Variants in XPR1 observed in about 807,000 individuals in gnomAD.
The protein encoded by XPR1 is solute carrier family 53 member 1.
In XPR1, 28 loss-of-function variants were observed where a neutral mutation model predicts 87.5. The observed-to-expected ratio is 0.32, with a 90% CI of 0.24 to 0.44. The LOEUF is 0.44. Among genes scored for constraint, XPR1 ranks in the 20% least tolerant of loss-of-function variants. XPR1 has a pLI of 1.00. For missense variants in XPR1, 559 were observed against 862.3 expected (o/e 0.65, Z 4.41); for synonymous variants, 300 against 306.1 (o/e 0.98, Z 0.21).
In XPR1 at chr1:180,697,737, C is replaced by T. The variant is rs181940360; in HGVS notation, c.121+15326C>T. 3.4e-3 allele frequency among the ~76,000 whole-genome samples: 524 copies of T among 152,176 alleles called. 4 individuals are homozygous for T. Among genetic ancestry groups the T allele is most frequent in the African/African-American group, 0.012 (515 of 41,552 alleles). ...CATTGAGGAGCATGTTGTTAATTTTCATGTATTTGTATAGATTCCGAAGTT... is the reference window on the plus strand; with the variant it reads ...CATTGAGGAGCATGTTGTTAATTTTTATGTATTTGTATAGATTCCGAAGTT... On this transcript the variant is annotated intron_variant, in intron 2 of 14. Transcript: ENST00000367590.
chr1:180,761,280 TAAAC>T (rs1648014869), intron 2 of XPR1, among the ~76,000 whole-genome samples: 2 of 152,012 alleles, frequency 1.3e-5, no homozygotes, highest in Non-Finnish European at 2.9e-5. Flanking sequence ...GGGATCGAAT[TAAAC>T]TAAAGAGCTT....
chr1:180,722,015 C>T (rs1459960058), intron 2 of XPR1, among the ~76,000 whole-genome samples: 1 of 152,048 alleles, frequency 6.6e-6, no homozygotes, highest in Non-Finnish European at 1.5e-5. Context: ...GTAATCCCAC[C>T]ACTTTGAGAG....
At chr1:180,740,130 T>A (rs1320524726) in intron 2 of XPR1, among the ~76,000 whole-genome samples, 1 of 152,234 alleles carries the variant, frequency 6.6e-6, no homozygotes, top group African/African-American at 2.4e-5. Context: ...TCTACAGTTT[T>A]ATGTCTTCCT....
intron 3 of XPR1, among the ~76,000 whole-genome samples, chr1:180,797,613 CAATT>C (rs1649634973): frequency 1.3e-5 from 2 of 152,140 alleles, no homozygotes; most frequent in African/African-American, 4.8e-5. Flanking sequence ...AATCTTTTAA[CAATT>C]AAAGTTAAGC....
At chr1:180,688,047 T>C (rs1475923022) in intron 2 of XPR1, among the ~76,000 whole-genome samples, 1 of 142,228 alleles carries the variant, frequency 7.0e-6, no homozygotes, top group Non-Finnish European at 1.5e-5. Context: ...AGTATGTTAT[T>C]AATTTTTTTT....
chr1:180,701,662 A>G (rs61809341), intron 2 of XPR1, among the ~76,000 whole-genome samples: 31 of 132,426 alleles, frequency 2.3e-4, no homozygotes, highest in East Asian at 4.1e-4. Flanking sequence ...CATCAAGGAT[A>G]TTGGTCTAAA....
At chr1:180,873,779 C>T in intron 12 of XPR1, 24 bp from the exon 13 acceptor site, 1 of 1,608,886 alleles carries the variant, frequency 6.2e-7, no homozygotes, top group Non-Finnish European at 8.5e-7. Context: ...AGAAAACATA[C>T]TCAATTTCTT....
intron 12 of XPR1, among the ~76,000 whole-genome samples, chr1:180,865,652 G>A (rs541101230): frequency 2.4e-4 from 36 of 152,014 alleles, no homozygotes; most frequent in Admixed American, 1.1e-3. Context: ...CGCCTGCCTC[G>A]GCCTCCCAAA....
Position 180,890,102 on chromosome 1 carries a change from T to C in XPR1, c.*6036T>C, listed in dbSNP as rs1302372566. On this transcript the variant is annotated 3_prime_UTR_variant, in exon 15 of 15. Transcript: ENST00000367590. ...GAAGTTCCCTTCTTGATAAGTAGGT[T>C]AAATGCACAATGTGGTACTGTTTTA... is the stretch of plus-strand genomic sequence containing the variant. 6.6e-6 allele frequency: 1 copy of C among 152,234 alleles called. No homozygotes were observed. Among genetic ancestry groups the C allele is most frequent in the East Asian group, 1.9e-4 (1 of 5,206 alleles). The allele number at this position is 152,234 out of a possible 1,614,324, so 9.4% of individuals were successfully genotyped here.
chr1:180,839,795 G>C (rs1026330526), intron 11 of XPR1, among the ~76,000 whole-genome samples: 24 of 152,174 alleles, frequency 1.6e-4, no homozygotes, highest in Non-Finnish European at 3.5e-4. Flanking sequence ...GTAGGGGATT[G>C]GGCTTCTGGA....
At chr1:180,696,204 G>GTATATATATATA (rs1280091948) in intron 2 of XPR1, among the ~76,000 whole-genome samples, 11 of 102,430 alleles carry the variant, frequency 1.1e-4, no homozygotes, top group African/African-American at 2.3e-4. Context: ...GTGTGTGTGT[G>GTATATATATATA]TGTGTATATA....
intron 2 of XPR1, among the ~76,000 whole-genome samples, chr1:180,773,443 T>C (rs1279637910): frequency 6.6e-6 from 1 of 152,228 alleles, no homozygotes; most frequent in African/African-American, 2.4e-5. Context: ...AACAGTATCC[T>C]AAGAACAACA....
At chr1:180,807,188 A>G (rs1650025097) in intron 6 of XPR1, among the ~76,000 whole-genome samples, 2 of 152,190 alleles carry the variant, frequency 1.3e-5, no homozygotes, top group African/African-American at 2.4e-5. Context: ...CCTGTATTCA[A>G]CATTGTGCTG....
chr1:180,824,681 G>A, intron 7 of XPR1, 72 bp from the exon 8 acceptor site: 1 of 1,329,838 alleles, frequency 7.5e-7, no homozygotes, highest in Admixed American at 2.2e-5. Context: ...CATTGAGAAT[G>A]AAGACAAAAG....
At chr1:180,732,419 A>G (rs1658587673) in intron 2 of XPR1, among the ~76,000 whole-genome samples, 1 of 152,202 alleles carries the variant, frequency 6.6e-6, no homozygotes, top group South Asian at 2.1e-4. Flanking sequence ...ATTAGATAAT[A>G]TTCTCATAAT....
At chr1:180,652,194 A>G (rs1393191033) in intron 1 of XPR1, among the ~76,000 whole-genome samples, 1 of 152,164 alleles carries the variant, frequency 6.6e-6, no homozygotes, top group Non-Finnish European at 1.5e-5. Context: ...TGGGAGGCTG[A>G]GGCAGGAGAA....
At chr1:180,824,623 T>C in intron 7 of XPR1, 130 bp from the exon 8 acceptor site, 7 of 737,182 alleles carry the variant, frequency 9.5e-6, no homozygotes, top group South Asian at 1.9e-5. Flanking sequence ...TGATAGATAA[T>C]CTAGGTTTAG....
At position 180,825,188 on chromosome 1, in the gene XPR1, G is replaced by A; in HGVS notation, c.978G>A (p.Leu326=). The change falls in exon 9 of 15, where the codon TTG becomes TTA. Residue 326 remains leucine, a synonymous_variant. Coordinates refer to ENST00000367590, the MANE Select transcript of XPR1 (RefSeq NM_004736.4). ...LFEIAGFLGI[L]WCLSLLACFF... is the part of the protein sequence containing the mutation. ...AGATTGCTGGATTCCTCGGGATATT[G>A]TGGTGCCTGAGCCTTCTGGCATGCT... 1.2e-6 allele frequency: 2 copies of A among 1,612,486 alleles called. No individual in the cohort carries two copies. The highest frequency in any genetic ancestry group is 1.7e-6 in the Non-Finnish European group (2 of 1,179,512).
At position 180,806,575 on chromosome 1, in the gene XPR1, G is replaced by A. The variant is rs1471850065; in HGVS notation, c.681+18G>A. 6 of 1,602,698 alleles carry A rather than the reference G, an allele frequency of 3.7e-6. No individual in the cohort carries two copies. The highest frequency in any genetic ancestry group is 5.1e-6 in the Non-Finnish European group (6 of 1,171,928). ...CTGCTCAGGTTAGTATTTGGTTCCAGTAGTTTGTTTGGTTTCACCTATTTA... is the reference window on the plus strand; with the variant it reads ...CTGCTCAGGTTAGTATTTGGTTCCAATAGTTTGTTTGGTTTCACCTATTTA... On this transcript the variant is annotated intron_variant, in intron 6 of 14. Coordinates refer to ENST00000367590, the MANE Select transcript of XPR1 (RefSeq NM_004736.4).
Sources: gnomAD v4.1 joint callset for allele counts (sites outside exome capture counted in the v4.1 genomes callset) on GRCh38, gnomAD v4.1.1 for gene constraint, MANE v1.5 for transcripts, NCBI Gene and HGNC (gene_info 2026-07-23, HGNC 2026-07-21) for gene names.